DCAF6: variants seen among roughly 807,000 people sequenced by gnomAD.
DCAF6 encodes the protein DDB1- and CUL4-associated factor 6.
A neutral mutation model predicts 125.1 loss-of-function variants in DCAF6; 54 were observed. That is an observed-to-expected ratio of 0.43 (90% CI 0.35 to 0.54). The LOEUF is 0.54. Ranked by LOEUF, DCAF6 falls within the 20% of genes least tolerant of loss-of-function variation. The pLI is 0.01. For missense variants in DCAF6, 934 were observed against 1,161.7 expected (o/e 0.80, Z 2.85); for synonymous variants, 371 against 390.4 (o/e 0.95, Z 0.58).
intron 17 of DCAF6, among the ~76,000 whole-genome samples, chr1:168,051,281 A>T (rs1445662069): frequency 6.6e-6 from 1 of 152,226 alleles, no homozygotes; most frequent in Non-Finnish European, 1.5e-5. Context: ...TTTGATTGGG[A>T]TAACAATTAC....
intron 21 of DCAF6, among the ~76,000 whole-genome samples, chr1:168,072,327 A>G (rs1341657248): frequency 1.0e-5 from 1 of 98,350 alleles, no homozygotes; most frequent in African/African-American, 3.5e-5. Flanking sequence ...AAAAAAAAAG[A>G]AAAGAAAAGT....
chr1:167,867,880 T>C, the DCAF6 span, among the ~76,000 whole-genome samples: 2 of 152,058 alleles, frequency 1.3e-5, no homozygotes, highest in Non-Finnish European at 2.9e-5. Flanking sequence ...CTAGGCTACT[T>C]AGAAAAAGGA....
At chr1:167,942,974 T>C (rs1289699205) in intron 1 of DCAF6, among the ~76,000 whole-genome samples, 2 of 152,176 alleles carry the variant, frequency 1.3e-5, no homozygotes, top group East Asian at 3.8e-4. Flanking sequence ...TGGCTCGATC[T>C]TGGCTCACTA....
At chr1:168,038,222 A>G in intron 12 of DCAF6, 149 bp from the exon 13 acceptor site, 1 of 593,928 alleles carries the variant, frequency 1.7e-6, no homozygotes, top group Middle Eastern at 4.1e-4. Flanking sequence ...TCCACAACAC[A>G]TGCCTTCAAA....
At chr1:167,996,866 CCTT>C (rs1681789591) in intron 7 of DCAF6, among the ~76,000 whole-genome samples, 1 of 152,122 alleles carries the variant, frequency 6.6e-6, no homozygotes, top group African/African-American at 2.4e-5. Context: ...GCTTATGTAA[CCTT>C]CTTGGTGAAG....
At chr1:167,916,354 G>A in the DCAF6 span, among the ~76,000 whole-genome samples, 27 of 152,268 alleles carry the variant, frequency 1.8e-4, no homozygotes, top group African/African-American at 6.5e-4. Flanking sequence ...TTACAGGCGT[G>A]CGCCACCACA....
At chr1:168,011,960 G>T (rs1249417730) in intron 10 of DCAF6, among the ~76,000 whole-genome samples, 1 of 152,032 alleles carries the variant, frequency 6.6e-6, no homozygotes, top group African/African-American at 2.4e-5. Context: ...GCGACAGAGT[G>T]AGCCTCTGTC....
chr1:167,935,411 A>T (rs1571525934), upstream of DCAF6, among the ~76,000 whole-genome samples: 1 of 152,218 alleles, frequency 6.6e-6, no homozygotes, highest in African/African-American at 2.4e-5. Flanking sequence ...TGAGTGTTTC[A>T]TGGTGGCCCC....
At chr1:167,887,663 T>A in the DCAF6 span, among the ~76,000 whole-genome samples, 3 of 151,968 alleles carry the variant, frequency 2.0e-5, no homozygotes, top group South Asian at 6.2e-4. Context: ...ACCTGCACAT[T>A]GTGCACATGT....
chr1:167,904,985 G>T, the DCAF6 span: 1 of 1,614,170 alleles, frequency 6.2e-7, no homozygotes, highest in East Asian at 2.2e-5. Context: ...CATCCCTTTT[G>T]CACTTGCCTG....
At chr1:167,906,133 C>T in the DCAF6 span, among the ~76,000 whole-genome samples, 2 of 151,710 alleles carry the variant, frequency 1.3e-5, no homozygotes, top group African/African-American at 2.4e-5. Flanking sequence ...TTGAGACAGT[C>T]GCTTATATCC....
the DCAF6 span, chr1:167,880,725 C>T: frequency 1.3e-6 from 1 of 761,472 alleles, no homozygotes; most frequent in Non-Finnish European, 2.4e-6. Flanking sequence ...CAGATTTTAT[C>T]ATGATTTCTC....
chr1:167,899,772 T>G, the DCAF6 span: 3 of 777,498 alleles, frequency 3.9e-6, no homozygotes, highest in Non-Finnish European at 6.5e-6. Context: ...ATAGGAATTA[T>G]GGCATACCTC....
intron 3 of DCAF6, chr1:167,968,625 T>G (rs147844797): frequency 9.2e-5 from 14 of 152,500 alleles, no homozygotes; most frequent in Admixed American, 4.6e-4. Context: ...TGGGCCCTGG[T>G]GAAACTGCAG....
intron 17 of DCAF6, among the ~76,000 whole-genome samples, chr1:168,057,349 T>C (rs1365077984): frequency 6.6e-6 from 1 of 152,228 alleles, no homozygotes; most frequent in Non-Finnish European, 1.5e-5. Flanking sequence ...TCATGTAACT[T>C]CATACTTTAA....
the DCAF6 span, chr1:167,899,567 C>T: frequency 6.2e-7 from 1 of 1,614,206 alleles, no homozygotes; most frequent in South Asian, 1.1e-5. Context: ...GACCAATCAC[C>T]AGAAAGTGGC....
the DCAF6 span, among the ~76,000 whole-genome samples, chr1:167,906,096 GAT>G: frequency 6.6e-6 from 1 of 152,010 alleles, no homozygotes; most frequent in South Asian, 2.1e-4. Flanking sequence ...GTCATATTGG[GAT>G]ATATTAGAGT....
intron 1 of DCAF6, among the ~76,000 whole-genome samples, chr1:167,942,970 G>C (rs925545599): frequency 6.6e-6 from 1 of 152,012 alleles, no homozygotes; most frequent in Non-Finnish European, 1.5e-5. Context: ...GCAGTGGCTC[G>C]ATCTTGGCTC....
rs950802404 is a variant in DCAF6 at position 168,075,461 on chromosome 1, A to T, written c.*26A>T. The T allele has an allele frequency of 6.4e-7, 1 of 1,559,740 alleles. No homozygotes were observed. Among genetic ancestry groups the T allele is most frequent in the African/African-American group, 1.4e-5 (1 of 72,046 alleles). On this transcript the variant is annotated 3_prime_UTR_variant, in exon 22 of 22. Coordinates refer to ENST00000367840, the MANE Select transcript of DCAF6 (RefSeq NM_001198956.2). Reference sequence around the variant, plus strand: ...TAAACTCTTTTTGGCAAGCACTTAAATGTTCTGAAATTTGTATAAGACATT... The same window carrying T: ...TAAACTCTTTTTGGCAAGCACTTAATTGTTCTGAAATTTGTATAAGACATT...
Sources: gnomAD v4.1 joint callset for allele counts (sites outside exome capture counted in the v4.1 genomes callset) on GRCh38, gnomAD v4.1.1 for gene constraint, MANE v1.5 for transcripts, NCBI Gene and HGNC (gene_info 2026-07-23, HGNC 2026-07-21) for gene names.